IGSF11: variants seen among roughly 807,000 people sequenced by gnomAD.
IGSF11 encodes the protein immunoglobulin superfamily member 11, also known as CXADR like 1.
Under a neutral mutation model 41.0 loss-of-function variants are expected in IGSF11, and 22 were observed. The observed-to-expected ratio is 0.54, with a 90% CI of 0.38 to 0.77. The LOEUF (loss-of-function observed/expected upper bound fraction) is 0.77, where lower values mean the gene tolerates loss of function less well. Among genes scored for constraint, IGSF11 ranks in the 30% least tolerant of loss-of-function variants. The probability of loss-of-function intolerance (pLI) is 0.00; values close to 1 mark genes in which losing one functional copy is unlikely to be tolerated. For synonymous variants in IGSF11, 219 were observed against 201.3 expected, an observed-to-expected ratio of 1.09 and a Z score of -0.74; for missense variants, 444 against 530.8, an observed-to-expected ratio of 0.84 and a Z score of 1.61.
chr3:119,137,236 T>C (rs180678538), intron 1 of IGSF11, among the ~76,000 whole-genome samples: 1 of 152,076 alleles, frequency 6.6e-6, no homozygotes, highest in African/African-American at 2.4e-5. Flanking sequence ...CAAATTTATA[T>C]GGAACAACAA....
intron 4 of IGSF11, among the ~76,000 whole-genome samples, chr3:118,912,644 G>A (rs1413651411): frequency 2.6e-5 from 4 of 152,132 alleles, no homozygotes; most frequent in Admixed American, 1.3e-4. Flanking sequence ...CAATCCAGGT[G>A]AAGCGTTCAC....
At chr3:119,046,800 G>A (rs529852383) in intron 1 of IGSF11, among the ~76,000 whole-genome samples, 3,718 of 151,566 alleles carry the variant, frequency 0.025, 132 homozygotes, top group African/African-American at 0.085. Flanking sequence ...CGGATCTCTC[G>A]GCAGAAACCC....
At chr3:119,075,499 C>T (rs112979679) in intron 1 of IGSF11, among the ~76,000 whole-genome samples, 134 of 152,124 alleles carry the variant, frequency 8.8e-4, no homozygotes, top group African/African-American at 3.1e-3. Flanking sequence ...ATTCTTATAC[C>T]AAACCTAGCA....
intron 1 of IGSF11, among the ~76,000 whole-genome samples, chr3:118,969,815 C>T (rs569159103): frequency 1.3e-5 from 2 of 152,108 alleles, no homozygotes; most frequent in Non-Finnish European, 2.9e-5. Context: ...GGTAGAGGAA[C>T]GGAAGGATGG....
intron 1 of IGSF11, among the ~76,000 whole-genome samples, chr3:119,009,047 T>C (rs1472061123): frequency 2.6e-5 from 4 of 152,146 alleles, no homozygotes; most frequent in African/African-American, 9.7e-5. Flanking sequence ...AATAAATTTA[T>C]TTATACATAC....
intron 6 of IGSF11, 60 bp from the exon 7 acceptor site, chr3:118,903,021 A>G (rs898746253): frequency 2.1e-6 from 3 of 1,462,076 alleles, no homozygotes; most frequent in African/African-American, 1.4e-5. Flanking sequence ...CTATCCTCCT[A>G]CCCTGGAATC....
chr3:118,915,850 C>CAG (rs1941017591), intron 4 of IGSF11, among the ~76,000 whole-genome samples: 1 of 84,710 alleles, frequency 1.2e-5, no homozygotes. Flanking sequence ...TAAGGGCAGC[C>CAG]AGAGAGAAAG....
At chr3:119,111,136 C>G (rs2077150406) in intron 1 of IGSF11, among the ~76,000 whole-genome samples, 1 of 152,130 alleles carries the variant, frequency 6.6e-6, no homozygotes. Flanking sequence ...GAATGTTGGC[C>G]TGCCTTGCTA....
At chr3:119,030,417 C>T (rs1364024214) in intron 1 of IGSF11, among the ~76,000 whole-genome samples, 1 of 152,170 alleles carries the variant, frequency 6.6e-6, no homozygotes, top group African/African-American at 2.4e-5. Context: ...AATTGGAAAC[C>T]AATTTTCTCT....
At chr3:119,008,006 A>C (rs1937623794) in intron 1 of IGSF11, among the ~76,000 whole-genome samples, 1 of 152,194 alleles carries the variant, frequency 6.6e-6, no homozygotes, top group South Asian at 2.1e-4. Context: ...CAAAAGTGAA[A>C]GCAACTTCCA....
At chr3:119,107,779 G>C (rs1273249900), upstream of IGSF11, among the ~76,000 whole-genome samples, 1 of 151,988 alleles carries the variant, frequency 6.6e-6, no homozygotes, top group Non-Finnish European at 1.5e-5. Flanking sequence ...GTGTAAGGAA[G>C]GGATCCAGTT....
intron 1 of IGSF11, among the ~76,000 whole-genome samples, chr3:119,098,695 G>GGAA (rs1224130588): frequency 6.6e-6 from 1 of 152,144 alleles, no homozygotes; most frequent in African/African-American, 2.4e-5. Context: ...AATAAAATAT[G>GGAA]TTTTTTAAAT....
chr3:118,985,406 T>C (rs1470681428), intron 1 of IGSF11, among the ~76,000 whole-genome samples: 2 of 152,188 alleles, frequency 1.3e-5, no homozygotes, highest in Non-Finnish European at 2.9e-5. Flanking sequence ...AGGGGATCAT[T>C]CTACTTGTTG....
intron 1 of IGSF11, among the ~76,000 whole-genome samples, chr3:119,094,252 GTTGT>G (rs2076813139): frequency 5.6e-5 from 2 of 35,738 alleles, no homozygotes; most frequent in African/African-American, 1.4e-4. Context: ...AAAAAAAAAA[GTTGT>G]TGTTCAATTA....
At chr3:119,038,209 G>C (rs181340229), upstream of IGSF11, among the ~76,000 whole-genome samples, 18 of 151,782 alleles carry the variant, frequency 1.2e-4, no homozygotes, top group Admixed American at 7.9e-4. Flanking sequence ...ATTACAGTAA[G>C]AAAGAAAGTA....
chr3:118,902,254 T>C lies in IGSF11; in HGVS notation c.*266A>G. ...TTGGATTTTAAGTACTATTCTGCTC[T>C]TGTATCTTTTTCCTTGGCTTGGCAC... On this transcript the variant is annotated 3_prime_UTR_variant, in exon 7 of 7. Coordinates refer to ENST00000393775, the MANE Select transcript of IGSF11 (RefSeq NM_001015887.3). 2.4e-6 allele frequency: 1 copy of C among 415,164 alleles called. No individual in the cohort carries two copies. The highest frequency in any genetic ancestry group is 4.1e-5 in the South Asian group (1 of 24,680). The allele number at this position is 415,164 out of a possible 1,614,324, so 25.7% of individuals were successfully genotyped here.
At chr3:119,040,739 G>C (rs1385063463) in intron 1 of IGSF11, among the ~76,000 whole-genome samples, 1 of 152,154 alleles carries the variant, frequency 6.6e-6, no homozygotes, top group South Asian at 2.1e-4. Context: ...TGTAGATACT[G>C]AATAAATATT....
chr3:119,051,996 T>A (rs9832213), intron 1 of IGSF11, among the ~76,000 whole-genome samples: 26,356 of 152,034 alleles, frequency 0.17, 2,777 homozygotes, highest in Non-Finnish European at 0.24. Context: ...AGAGGAAAGT[T>A]CATAGCATTA....
At chr3:119,043,729 T>C (rs1418248111) in intron 1 of IGSF11, among the ~76,000 whole-genome samples, 2 of 152,106 alleles carry the variant, frequency 1.3e-5, no homozygotes, top group Non-Finnish European at 2.9e-5. Flanking sequence ...GATCACAACA[T>C]AGGACTTTTT....
Sources: gnomAD v4.1 joint callset for allele counts (sites outside exome capture counted in the v4.1 genomes callset) on GRCh38, gnomAD v4.1.1 for gene constraint, MANE v1.5 for transcripts, NCBI Gene and HGNC (gene_info 2026-07-23, HGNC 2026-07-21) for gene names.